ARID5B: variants seen among roughly 807,000 people sequenced by gnomAD.
The protein encoded by ARID5B is AT-rich interactive domain-containing protein 5B.
A neutral mutation model predicts 97.2 loss-of-function variants in ARID5B; 13 were observed. The observed-to-expected ratio is 0.13, with a 90% CI of 0.09 to 0.21. The LOEUF (loss-of-function observed/expected upper bound fraction) is 0.21, where lower values mean the gene tolerates loss of function less well. Ranked by LOEUF, ARID5B falls within the 10% of genes least tolerant of loss-of-function variation. The pLI, the probability that ARID5B is intolerant of heterozygous loss-of-function variation, is 1.00. For missense variants in ARID5B, 1,210 were observed against 1,465.3 expected (o/e 0.83, Z 2.84); for synonymous variants, 556 against 570.3 (o/e 0.97, Z 0.36).
intron 3 of ARID5B, among the ~76,000 whole-genome samples, chr10:61,954,500 C>A (rs1681806146): frequency 6.6e-6 from 1 of 152,120 alleles, no homozygotes; most frequent in African/African-American, 2.4e-5. Context: ...ACAGCTGATG[C>A]TAGTTGGCTA....
intron 4 of ARID5B, among the ~76,000 whole-genome samples, chr10:62,040,797 C>T (rs375055863): frequency 1.8e-4 from 27 of 152,138 alleles, no homozygotes; most frequent in East Asian, 1.5e-3. Context: ...TTTTACACTG[C>T]GGCACATCTC....
chr10:62,088,618 A>G (rs1840323674), intron 9 of ARID5B, among the ~76,000 whole-genome samples: 1 of 152,208 alleles, frequency 6.6e-6, no homozygotes, highest in South Asian at 2.1e-4. Flanking sequence ...TGATGAGGTT[A>G]TCTAAACCTC....
intron 3 of ARID5B, among the ~76,000 whole-genome samples, chr10:61,952,545 T>C (rs752512906): frequency 9.9e-5 from 15 of 152,244 alleles, no homozygotes; most frequent in Non-Finnish European, 2.1e-4. Flanking sequence ...GCGGCTTTTA[T>C]GATCAGACTT....
chr10:62,028,922 G>A (rs1007797760), intron 4 of ARID5B, among the ~76,000 whole-genome samples: 3 of 147,212 alleles, frequency 2.0e-5, no homozygotes, highest in Non-Finnish European at 3.0e-5. Flanking sequence ...ACGCCACTGC[G>A]CTCCAGCCTG....
intron 2 of ARID5B, among the ~76,000 whole-genome samples, chr10:61,922,640 G>A (rs1243763716): frequency 6.6e-6 from 1 of 152,194 alleles, no homozygotes; most frequent in African/African-American, 2.4e-5. Context: ...CACAGTGGTT[G>A]AGGAGAGGCT....
At chr10:61,906,151 A>C (rs889788284) in intron 2 of ARID5B, among the ~76,000 whole-genome samples, 3 of 152,210 alleles carry the variant, frequency 2.0e-5, no homozygotes. Flanking sequence ...ACTATAAAGT[A>C]CTTAAATAAA....
chr10:62,017,099 C>T (rs1839293634), intron 4 of ARID5B, among the ~76,000 whole-genome samples: 1 of 152,152 alleles, frequency 6.6e-6, no homozygotes, highest in Non-Finnish European at 1.5e-5. Context: ...AATGCATAAA[C>T]AGTATGTGCC....
At chr10:61,917,503 A>G (rs978206741) in intron 2 of ARID5B, among the ~76,000 whole-genome samples, 11 of 152,034 alleles carry the variant, frequency 7.2e-5, no homozygotes, top group South Asian at 2.1e-4. Flanking sequence ...TAATTTTTGT[A>G]TTGTTAGTAG....
At chr10:62,061,537 G>A (rs532430035) in intron 7 of ARID5B, among the ~76,000 whole-genome samples, 71 of 152,296 alleles carry the variant, frequency 4.7e-4, no homozygotes, top group Non-Finnish European at 8.1e-4. Flanking sequence ...CCTGATGTTA[G>A]GCCTTCAGAT....
At chr10:61,928,410 C>T (rs897538182) in intron 2 of ARID5B, among the ~76,000 whole-genome samples, 3 of 152,142 alleles carry the variant, frequency 2.0e-5, no homozygotes, top group African/African-American at 7.2e-5. Context: ...AGGTGATCCT[C>T]CCATCTCAGC....
chr10:62,074,667 A>G (rs1840104963), intron 8 of ARID5B, among the ~76,000 whole-genome samples: 1 of 152,194 alleles, frequency 6.6e-6, no homozygotes, highest in Non-Finnish European at 1.5e-5. Context: ...GATTCCATGT[A>G]TTCTTGCTCA....
At chr10:61,973,277 G>C (rs1275919410) in intron 3 of ARID5B, among the ~76,000 whole-genome samples, 1 of 152,220 alleles carries the variant, frequency 6.6e-6, no homozygotes, top group Non-Finnish European at 1.5e-5. Context: ...GGGGAATAGA[G>C]GAACCTCATT....
intron 5 of ARID5B, among the ~76,000 whole-genome samples, chr10:62,056,484 G>C (rs1178822294): frequency 6.6e-6 from 1 of 152,124 alleles, no homozygotes; most frequent in Non-Finnish European, 1.5e-5. Flanking sequence ...GTATTGACTT[G>C]TTTTTCAAGG....
chr10:61,978,032 T>G (rs1471743388), intron 3 of ARID5B, among the ~76,000 whole-genome samples: 2 of 152,256 alleles, frequency 1.3e-5, no homozygotes, highest in Non-Finnish European at 2.9e-5. Context: ...GAATTAATTT[T>G]TGTATAAGCT....
Position 62,073,576 on chromosome 10 carries a change from TA to T in ARID5B, c.1199+3784del, listed in dbSNP as rs199805793. On this transcript the variant is annotated intron_variant, in intron 8 of 9. Coordinates refer to ENST00000279873, the MANE Select transcript of ARID5B (RefSeq NM_032199.3). ...AAATCAAATAGGTCCAAGCACTTCATAAAAATGTCTTTGTCAGCCGGGTTTT... is the reference window on the plus strand; with the variant it reads ...AAATCAAATAGGTCCAAGCACTTCATAAAATGTCTTTGTCAGCCGGGTTTT... 2.2e-4 allele frequency among the ~76,000 whole-genome samples: 34 copies of T among 152,358 alleles called. No homozygotes were observed. In the East Asian group the frequency reaches 6.4e-3, roughly 29 times the overall value.
intron 8 of ARID5B, among the ~76,000 whole-genome samples, chr10:62,073,238 T>C (rs1424739769): frequency 1.3e-5 from 2 of 152,210 alleles, no homozygotes; most frequent in Non-Finnish European, 2.9e-5. Context: ...CAGCTTTGCT[T>C]TCCTAGAAGA....
At chr10:61,911,815 C>T (rs1022532701) in intron 2 of ARID5B, among the ~76,000 whole-genome samples, 1 of 152,162 alleles carries the variant, frequency 6.6e-6, no homozygotes, top group African/African-American at 2.4e-5. Context: ...CCTTGGCTCA[C>T]TTCCATGCTC....
At chr10:61,928,827 G>T (rs7068371) in intron 2 of ARID5B, among the ~76,000 whole-genome samples, 5 of 152,170 alleles carry the variant, frequency 3.3e-5, no homozygotes, top group African/African-American at 1.2e-4. Flanking sequence ...TATCTGTAGT[G>T]TGAAACCTTT....
chr10:62,023,450 A>G (rs943552380), intron 4 of ARID5B, among the ~76,000 whole-genome samples: 22 of 152,180 alleles, frequency 1.4e-4, no homozygotes, highest in African/African-American at 5.1e-4. Flanking sequence ...ACCAAATCCT[A>G]TATTTATGCA....
Sources: allele counts gnomAD v4.1 joint callset (sites outside exome capture counted in the v4.1 genomes callset), GRCh38; gene constraint gnomAD v4.1.1; transcripts MANE v1.5; gene names NCBI Gene and HGNC (gene_info 2026-07-23, HGNC 2026-07-21).